Variants in STARD13 observed in about 807,000 individuals in gnomAD.
STARD13 encodes the protein StAR related lipid transfer domain containing 13, also known as stAR-related lipid transfer protein 13.
STARD13 carries 62 observed loss-of-function variants against 106.4 expected under a neutral mutation model. The observed-to-expected ratio is 0.58, with a 90% CI of 0.48 to 0.72. STARD13 has a LOEUF of 0.72. Ranked by LOEUF, STARD13 falls within the 30% of genes least tolerant of loss-of-function variation. The probability of loss-of-function intolerance (pLI) is 0.00; values close to 1 mark genes in which losing one functional copy is unlikely to be tolerated. For synonymous variants in STARD13, 565 were observed against 553.0 expected, an observed-to-expected ratio of 1.02 and a Z score of -0.31; for missense variants, 1,387 against 1,424.0, an observed-to-expected ratio of 0.97 and a Z score of 0.42.
the STARD13 span, among the ~76,000 whole-genome samples, chr13:33,666,302 G>T: frequency 6.6e-6 from 1 of 151,956 alleles, no homozygotes; most frequent in Non-Finnish European, 1.5e-5. Flanking sequence ...TGTTGTTTTT[G>T]GTTTTTTTTG....
Position 33,222,543 on chromosome 13 carries a change from T to C in STARD13, c.170-54921A>G, listed in dbSNP as rs569170953. On this transcript the variant is annotated intron_variant, in intron 1 of 13. Transcript: ENST00000336934. ...CATTAAGCCAAGCTCTGGGGCCTTC[T>C]GAATTCCAGAACCTGTGCAATCTAC... Among the ~76,000 whole-genome samples, 6 of 152,348 alleles carry C rather than the reference T, an allele frequency of 3.9e-5. No homozygotes were observed. The East Asian group carries it at 1.2e-3, about 29-fold the overall frequency.
At chr13:33,156,864 C>T (rs984623510) in intron 3 of STARD13, among the ~76,000 whole-genome samples, 9 of 152,072 alleles carry the variant, frequency 5.9e-5, no homozygotes, top group African/African-American at 2.2e-4. Context: ...TTTATAGACT[C>T]AAGATTTTAA....
chr13:33,413,909 C>T, the STARD13 span, among the ~76,000 whole-genome samples: 1 of 151,314 alleles, frequency 6.6e-6, no homozygotes, highest in African/African-American at 2.4e-5. Flanking sequence ...GACACACACC[C>T]ATAATCCCAG....
intron 1 of STARD13, among the ~76,000 whole-genome samples, chr13:33,212,449 A>G (rs78760060): frequency 0.014 from 2,136 of 152,298 alleles, 50 homozygotes; most frequent in African/African-American, 0.045. Context: ...AGAAATGTCA[A>G]CCTTTCAGAT....
the STARD13 span, among the ~76,000 whole-genome samples, chr13:33,432,782 A>G: frequency 1.3e-5 from 2 of 152,230 alleles, no homozygotes; most frequent in Non-Finnish European, 2.9e-5. Context: ...ACAGATTTGC[A>G]TTAATCTCTT....
chr13:33,602,330 A>G, the STARD13 span, among the ~76,000 whole-genome samples: 6 of 152,132 alleles, frequency 3.9e-5, no homozygotes, highest in African/African-American at 1.4e-4. Context: ...TGACCTCGTG[A>G]TCCGCCTGCC....
At chr13:33,468,017 T>C in the STARD13 span, among the ~76,000 whole-genome samples, 1 of 152,198 alleles carries the variant, frequency 6.6e-6, no homozygotes, top group East Asian at 1.9e-4. Context: ...CATCATCTTT[T>C]AGCAATTGCA....
At chr13:33,604,820 T>G in the STARD13 span, among the ~76,000 whole-genome samples, 1 of 149,788 alleles carries the variant, frequency 6.7e-6, no homozygotes. Flanking sequence ...AAAAGAATGC[T>G]AAAAGAAAAT....
chr13:33,434,976 T>C, the STARD13 span, among the ~76,000 whole-genome samples: 8 of 151,182 alleles, frequency 5.3e-5, no homozygotes, highest in Admixed American at 2.0e-4. Flanking sequence ...TCTGAAGAAA[T>C]AGAGATTGCA....
At chr13:33,537,120 T>G in the STARD13 span, among the ~76,000 whole-genome samples, 1 of 152,220 alleles carries the variant, frequency 6.6e-6, no homozygotes, top group African/African-American at 2.4e-5. Flanking sequence ...ATGAGTAAAC[T>G]TCCAGAACAG....
the STARD13 span, among the ~76,000 whole-genome samples, chr13:33,362,246 GGCAAGA>G: frequency 3.3e-5 from 5 of 152,216 alleles, no homozygotes; most frequent in East Asian, 1.9e-4. Flanking sequence ...AGGATCACAT[GGCAAGA>G]GCAAGAGCAA....
At chr13:33,527,030 C>A in the STARD13 span, among the ~76,000 whole-genome samples, 15 of 152,026 alleles carry the variant, frequency 9.9e-5, no homozygotes, top group Admixed American at 9.8e-4. Flanking sequence ...GAAAGCGACA[C>A]AGCTAGAAAA....
chr13:33,144,808 G>A (rs1464440511), intron 3 of STARD13, among the ~76,000 whole-genome samples: 2 of 152,158 alleles, frequency 1.3e-5, no homozygotes, highest in Non-Finnish European at 2.9e-5. Context: ...TTTATAAAAT[G>A]AACTTATCTA....
chr13:33,241,908 C>T (rs181730415), intron 1 of STARD13, among the ~76,000 whole-genome samples: 318 of 152,296 alleles, frequency 2.1e-3, no homozygotes, highest in Middle Eastern at 0.017. Context: ...ACCTCCCAGC[C>T]GCCTGCCTTG....
the STARD13 span, chr13:33,658,476 T>G: frequency 0.86 from 130,791 of 152,238 alleles, 57,060 homozygotes; most frequent in South Asian, 0.96. Context: ...TTAGTTAGTA[T>G]TTTCCTCTTC....
the STARD13 span, among the ~76,000 whole-genome samples, chr13:33,458,671 C>A: frequency 6.6e-6 from 1 of 151,976 alleles, no homozygotes; most frequent in Non-Finnish European, 1.5e-5. Context: ...TGTTGGGAAA[C>A]AAATTATATA....
the STARD13 span, among the ~76,000 whole-genome samples, chr13:33,482,122 A>G: frequency 6.6e-6 from 1 of 152,218 alleles, no homozygotes; most frequent in Non-Finnish European, 1.5e-5. Context: ...TTTTAGAGAT[A>G]TATACTACAA....
At chr13:33,650,597 G>C in the STARD13 span, among the ~76,000 whole-genome samples, 1 of 152,344 alleles carries the variant, frequency 6.6e-6, no homozygotes, top group African/African-American at 2.4e-5. Flanking sequence ...AGAAGAACTT[G>C]TGTAAAAGTA....
At chr13:33,434,459 C>G in the STARD13 span, among the ~76,000 whole-genome samples, 2 of 151,550 alleles carry the variant, frequency 1.3e-5, no homozygotes, top group African/African-American at 2.4e-5. Flanking sequence ...TTGACCCTTA[C>G]TGTTTTATAC....
Sources: gnomAD v4.1 joint callset for allele counts (sites outside exome capture counted in the v4.1 genomes callset) on GRCh38, gnomAD v4.1.1 for gene constraint, MANE v1.5 for transcripts, NCBI Gene and HGNC (gene_info 2026-07-23, HGNC 2026-07-21) for gene names.